Variants in ASTN2 observed in about 807,000 individuals in gnomAD.
The protein encoded by ASTN2 is astrotactin 2.
In ASTN2, 54 loss-of-function variants were observed where a neutral mutation model predicts 139.8. That is an observed-to-expected ratio of 0.39 (90% CI 0.31 to 0.48). The LOEUF (loss-of-function observed/expected upper bound fraction) is 0.48, where lower values mean the gene tolerates loss of function less well. Ranked by LOEUF, ASTN2 falls within the 20% of genes least tolerant of loss-of-function variation. The pLI is 0.95. For synonymous variants in ASTN2, 756 were observed against 719.5 expected (o/e 1.05, Z -0.81); for missense variants, 1,565 against 1,725.1 (o/e 0.91, Z 1.64).
chr9:116,439,194 A>ATATTTTTTTTTTTT (rs1847754189), intron 22 of ASTN2, among the ~76,000 whole-genome samples: 3 of 56,726 alleles, frequency 5.3e-5, no homozygotes, highest in African/African-American at 2.3e-4. Context: ...ATTCAAATAC[A>ATATTTTTTTTTTTT]TTTTTTTTTT....
chr9:116,844,528 G>A (rs774704101), intron 11 of ASTN2, among the ~76,000 whole-genome samples: 1 of 151,254 alleles, frequency 6.6e-6, no homozygotes, highest in African/African-American at 2.4e-5. Context: ...CAGTCACTTC[G>A]TTAACATTTG....
intron 17 of ASTN2, among the ~76,000 whole-genome samples, chr9:116,632,160 G>GAC (rs1306208540): frequency 6.4e-5 from 2 of 31,484 alleles, no homozygotes; most frequent in African/African-American, 1.5e-4. Context: ...GAGAGAGACA[G>GAC]AGAGAGAGAG....
intron 19 of ASTN2, among the ~76,000 whole-genome samples, chr9:116,593,054 C>T (rs1373769706): frequency 6.6e-6 from 1 of 152,100 alleles, no homozygotes; most frequent in Non-Finnish European, 1.5e-5. Flanking sequence ...AATATGTTGC[C>T]CATGACACAT....
At chr9:117,181,032 C>T (rs1199734032) in intron 3 of ASTN2, 42 of 1,559,402 alleles carry the variant, frequency 2.7e-5, no homozygotes, top group South Asian at 6.6e-5. Context: ...ACTGGGGTAG[C>T]GCAAGGTCAG....
chr9:116,753,878 T>C (rs1829466425), intron 13 of ASTN2, among the ~76,000 whole-genome samples: 1 of 151,974 alleles, frequency 6.6e-6, no homozygotes, highest in Non-Finnish European at 1.5e-5. Flanking sequence ...CCATAGGGGT[T>C]TGCTGCACCC....
chr9:116,976,595 G>C, intron 8 of ASTN2, 106 bp downstream of exon 8: 3 of 943,526 alleles, frequency 3.2e-6, no homozygotes, highest in Non-Finnish European at 3.2e-6. Flanking sequence ...TACTGTTGCA[G>C]AGAAAGAGTC....
chr9:117,243,068 T>C (rs758682162), intron 2 of ASTN2, among the ~76,000 whole-genome samples: 4 of 152,244 alleles, frequency 2.6e-5, no homozygotes, highest in Admixed American at 6.5e-5. Flanking sequence ...GCATAGATAA[T>C]TTCCTTCAAT....
chr9:117,319,488 G>A (rs976330933), intron 1 of ASTN2, among the ~76,000 whole-genome samples: 3 of 151,972 alleles, frequency 2.0e-5, no homozygotes, highest in Non-Finnish European at 2.9e-5. Context: ...GAGTGCATTG[G>A]TGCAATCTTG....
At position 116,947,141 on chromosome 9, in the gene ASTN2, GT is replaced by G. The variant is rs574638898; in HGVS notation, c.1889+28066del. Among the ~76,000 whole-genome samples, 23 of 152,204 alleles carry G rather than the reference GT, an allele frequency of 1.5e-4. No individual in the cohort carries two copies. In the South Asian group the frequency reaches 4.6e-3, roughly 30 times the overall value. ...GGAAGGCAGTGGGGACTTGAAAATG[GT>G]TTTAGAATCTGACAGTTCCTTATTT... On this transcript the variant is annotated intron_variant, in intron 10 of 22. Transcript: ENST00000313400.
At chr9:116,708,837 C>CTATT (rs10676492) in intron 16 of ASTN2, among the ~76,000 whole-genome samples, 6,483 of 152,268 alleles carry the variant, frequency 0.043, 486 homozygotes, top group African/African-American at 0.15. Flanking sequence ...CCCGTTTATA[C>CTATT]TATTACTTAA....
intron 10 of ASTN2, among the ~76,000 whole-genome samples, chr9:116,889,256 G>A (rs1402541141): frequency 6.6e-6 from 1 of 152,172 alleles, no homozygotes; most frequent in Non-Finnish European, 1.5e-5. Flanking sequence ...GCAAGAGGGA[G>A]CAGGGAACTG....
At chr9:116,929,929 C>A (rs759897576) in intron 10 of ASTN2, among the ~76,000 whole-genome samples, 2 of 152,190 alleles carry the variant, frequency 1.3e-5, no homozygotes, top group African/African-American at 2.4e-5. Flanking sequence ...TGTCAGAGTT[C>A]CACACGACAC....
intron 6 of ASTN2, among the ~76,000 whole-genome samples, chr9:117,016,685 T>TTA (rs1186006940): frequency 3.3e-4 from 42 of 128,252 alleles, no homozygotes; most frequent in African/African-American, 1.4e-3. Flanking sequence ...TATATATAGG[T>TTA]TATATATATA....
At chr9:117,270,788 A>G (rs1365322763) in intron 2 of ASTN2, among the ~76,000 whole-genome samples, 1 of 152,252 alleles carries the variant, frequency 6.6e-6, no homozygotes. Flanking sequence ...TGAATCTGCC[A>G]AAGCACTGTA....
rs762054436 is a variant in ASTN2 at position 116,805,712 on chromosome 9, G to A, written c.2316C>T (p.Thr772=). Residue 772 remains threonine, a synonymous_variant, in exon 13 of 23, where the codon ACC becomes ACT. Transcript: ENST00000313400. ...CLKPDSKFND[T]LFGEMLHGYN... Reference sequence around the variant, plus strand: ...AACCATGTAGCATCTCTCCAAAGAGGGTATCATTGAATTTGGAGTCAGGTT... The same window carrying A: ...AACCATGTAGCATCTCTCCAAAGAGAGTATCATTGAATTTGGAGTCAGGTT... 17 of 1,613,770 alleles carry A rather than the reference G, an allele frequency of 1.1e-5. No individual in the cohort carries two copies. The highest frequency in any genetic ancestry group is 1.6e-4 in the Middle Eastern group (1 of 6,078).
chr9:116,718,972 G>GTGTATATATATA (rs56991546), intron 16 of ASTN2, among the ~76,000 whole-genome samples: 4 of 99,998 alleles, frequency 4.0e-5, no homozygotes, highest in Non-Finnish European at 6.0e-5. Context: ...ACCTGTATCT[G>GTGTATATATATA]TACATATATA....
At chr9:116,935,199 CCAA>C (rs1835034056) in intron 10 of ASTN2, among the ~76,000 whole-genome samples, 1 of 152,160 alleles carries the variant, frequency 6.6e-6, no homozygotes, top group Non-Finnish European at 1.5e-5. Flanking sequence ...AGACTGAATT[CCAA>C]CAAGTCCATC....
At chr9:117,029,168 GATA>G (rs1838179158) in intron 6 of ASTN2, among the ~76,000 whole-genome samples, 1 of 152,152 alleles carries the variant, frequency 6.6e-6, no homozygotes, top group African/African-American at 2.4e-5. Flanking sequence ...TAAATTTGAG[GATA>G]ATAACTGGAT....
At chr9:116,482,544 G>T (rs1849204859) in intron 20 of ASTN2, among the ~76,000 whole-genome samples, 1 of 151,986 alleles carries the variant, frequency 6.6e-6, no homozygotes, top group South Asian at 2.1e-4. Flanking sequence ...CAAGCCTCCG[G>T]GCTCACTGAA....
Sources: gnomAD v4.1 joint callset for allele counts (sites outside exome capture counted in the v4.1 genomes callset) on GRCh38, gnomAD v4.1.1 for gene constraint, MANE v1.5 for transcripts, NCBI Gene and HGNC (gene_info 2026-07-23, HGNC 2026-07-21) for gene names.